Variants in RMP24 observed in about 807,000 individuals in gnomAD.
RMP24 encodes ribonuclease MRP subunit p24, also known as ribonuclease MRP protein subunit p24.
chr18:35,975,315 T>C, the RMP24 span, among the ~76,000 whole-genome samples: 1 of 152,248 alleles, frequency 6.6e-6, no homozygotes, highest in Non-Finnish European at 1.5e-5. Flanking sequence ...TGGTGAGCTC[T>C]CAATTGTTTT....
the RMP24 span, chr18:35,975,186 A>C: frequency 3.1e-6 from 3 of 972,552 alleles, no homozygotes; most frequent in Non-Finnish European, 4.5e-6. Flanking sequence ...AGTATAACTC[A>C]GAGATTTATA....
At chr18:35,979,130 A>T in the RMP24 span, 1 of 945,162 alleles carries the variant, frequency 1.1e-6, no homozygotes, top group Non-Finnish European at 1.5e-6. Context: ...TTCAGTGTTT[A>T]TGGGGAAAAT....
chr18:35,977,378 G>T, the RMP24 span: 4 of 1,574,236 alleles, frequency 2.5e-6, no homozygotes, highest in South Asian at 1.1e-5. Context: ...TAAGATAAAT[G>T]ACGGGACTGA....
chr18:35,975,597 C>T, the RMP24 span, among the ~76,000 whole-genome samples: 1 of 152,178 alleles, frequency 6.6e-6, no homozygotes, highest in African/African-American at 2.4e-5. Context: ...ATATGCCAAG[C>T]AACATTTAAT....
the RMP24 span, chr18:35,975,050 A>G: frequency 1.2e-6 from 2 of 1,614,050 alleles, no homozygotes. Flanking sequence ...TCAGTTTTAA[A>G]GAAGCAAAAA....
chr18:35,974,958 T>G, the RMP24 span: 1 of 1,614,162 alleles, frequency 6.2e-7, no homozygotes, highest in Non-Finnish European at 8.5e-7. Context: ...TCTGGATAAC[T>G]CTCGAGTGCG....
At chr18:35,974,994 C>T in the RMP24 span, 5 of 1,613,896 alleles carry the variant, frequency 3.1e-6, no homozygotes, top group Non-Finnish European at 4.2e-6. Context: ...CAGGTTGACA[C>T]CCAAAATACA....
the RMP24 span, among the ~76,000 whole-genome samples, chr18:35,977,215 C>G: frequency 6.6e-6 from 1 of 151,650 alleles, no homozygotes; most frequent in Non-Finnish European, 1.5e-5. Context: ...GAGCAAGACT[C>G]CGTCTCAAAA....
the RMP24 span, chr18:35,977,571 G>C: frequency 6.2e-7 from 1 of 1,613,726 alleles, no homozygotes; most frequent in East Asian, 2.2e-5. Flanking sequence ...TGTCTGGCTC[G>C]AAAGGCAAGA....
chr18:35,976,042 C>T, the RMP24 span, among the ~76,000 whole-genome samples: 1 of 151,712 alleles, frequency 6.6e-6, no homozygotes, highest in East Asian at 1.9e-4. Context: ...AATGCTGCCT[C>T]ACTATCTTGC....
the RMP24 span, among the ~76,000 whole-genome samples, chr18:35,975,595 A>C: frequency 6.6e-6 from 1 of 152,244 alleles, no homozygotes; most frequent in Admixed American, 6.5e-5. Flanking sequence ...TCATATGCCA[A>C]GCAACATTTA....
At chr18:35,972,736 A>G in the RMP24 span, 2 of 1,611,520 alleles carry the variant, frequency 1.2e-6, no homozygotes, top group East Asian at 4.5e-5. Flanking sequence ...GCGATGAGAC[A>G]GAAGCACTAC....
chr18:35,977,466 C>A, the RMP24 span: 5 of 1,613,914 alleles, frequency 3.1e-6, no homozygotes, highest in African/African-American at 6.7e-5. Flanking sequence ...AAAGTAGAAG[C>A]TTTGTGTCAA....
the RMP24 span, among the ~76,000 whole-genome samples, chr18:35,976,500 T>C: frequency 6.6e-6 from 1 of 152,122 alleles, no homozygotes; most frequent in Non-Finnish European, 1.5e-5. Flanking sequence ...ATTAGATATG[T>C]AGAAGAAAGG....
chr18:35,972,896 C>T, the RMP24 span: 3 of 1,614,234 alleles, frequency 1.9e-6, no homozygotes, highest in South Asian at 2.2e-5. Context: ...TGGGCCTACA[C>T]TTCGTCGCAC....
At chr18:35,974,891 T>A in the RMP24 span, 17 of 1,608,976 alleles carry the variant, frequency 1.1e-5, 1 homozygote, top group South Asian at 1.8e-4. Flanking sequence ...TTTGTATAAT[T>A]TTAGATGATA....
the RMP24 span, chr18:35,979,177 CAT>C: frequency 5.2e-6 from 3 of 576,484 alleles, no homozygotes; most frequent in Non-Finnish European, 8.9e-6. Context: ...CTGCCTACCT[CAT>C]AGGACAGCTG....
At chr18:35,978,058 G>A in the RMP24 span, among the ~76,000 whole-genome samples, 6 of 152,010 alleles carry the variant, frequency 3.9e-5, no homozygotes, top group African/African-American at 1.4e-4. Context: ...TCATCTTTTT[G>A]CTCCTTTTTC....
chr18:35,974,967 C>T, the RMP24 span: 10 of 1,614,074 alleles, frequency 6.2e-6, no homozygotes, highest in East Asian at 2.2e-5. Flanking sequence ...CTCTCGAGTG[C>T]GTCTCAAACC....
Sources: allele counts gnomAD v4.1 joint callset (sites outside exome capture counted in the v4.1 genomes callset), GRCh38; gene constraint gnomAD v4.1.1; transcripts MANE v1.5; gene names NCBI Gene and HGNC (gene_info 2026-07-23, HGNC 2026-07-21).